The following PLXNA4 variants were observed in gnomAD, a reference collection of about 807,000 sequenced individuals.
PLXNA4 encodes the protein plexin A4, also known as plexin-A4.
A neutral mutation model predicts 191.8 loss-of-function variants in PLXNA4; 44 were observed. The ratio of observed to expected loss-of-function variants is 0.23; its 90% CI spans 0.18 to 0.29. The LOEUF (loss-of-function observed/expected upper bound fraction) is 0.29. Ranked by LOEUF, PLXNA4 falls within the 10% of genes least tolerant of loss-of-function variation. PLXNA4 has a pLI of 1.00. For missense variants in PLXNA4, 1,800 were observed against 2,488.8 expected (o/e 0.72, Z 5.89); for synonymous variants, 1,082 against 1,009.5 (o/e 1.07, Z -1.36).
At chr7:132,429,928 G>A (rs1795196467) in intron 3 of PLXNA4, among the ~76,000 whole-genome samples, 1 of 152,174 alleles carries the variant, frequency 6.6e-6, no homozygotes, top group African/African-American at 2.4e-5. Flanking sequence ...TGAGAACCCA[G>A]TCCCCAGGAG....
intron 3 of PLXNA4, among the ~76,000 whole-genome samples, chr7:132,433,732 G>A (rs961512167): frequency 9.2e-5 from 14 of 152,062 alleles, no homozygotes; most frequent in Non-Finnish European, 1.9e-4. Context: ...TGTGATATCC[G>A]CGACCTCCTG....
At chr7:132,466,067 C>A (rs1796688334) in intron 3 of PLXNA4, among the ~76,000 whole-genome samples, 1 of 152,156 alleles carries the variant, frequency 6.6e-6, no homozygotes, top group African/African-American at 2.4e-5. Context: ...AGCCCCTCAG[C>A]TCAGCTTCTC....
intron 30 of PLXNA4, among the ~76,000 whole-genome samples, chr7:132,136,525 C>T (rs1278777800): frequency 6.6e-6 from 1 of 152,160 alleles, no homozygotes; most frequent in Non-Finnish European, 1.5e-5. Context: ...GAGGCCAGCA[C>T]CCCTGAGGTC....
At chr7:132,507,387 G>T in intron 2 of PLXNA4, 119 bp downstream of exon 2, 1 of 1,109,334 alleles carries the variant, frequency 9.0e-7, no homozygotes, top group Non-Finnish European at 1.3e-6. Flanking sequence ...AGATGGGATG[G>T]GATATACTCA....
rs1466277948 is a variant in PLXNA4, at chr7:132,148,557, G to C, written c.4750C>G (p.Leu1584Val). The C allele has an allele frequency of 2.5e-6, 4 of 1,614,128 alleles. No homozygotes were observed. The highest frequency in any genetic ancestry group is 3.4e-6 in the Non-Finnish European group (4 of 1,180,006). ...ATTCCCCTCACCTGGTAGTGGGCCA[G>C]TGTGTTCAGTCGCTTCCAATCATTC... Reference protein sequence around the residue: ...IENDWKRLNTLAHYQVPDGSV... With the variant: ...IENDWKRLNTVAHYQVPDGSV... Residue 1584 changes from leucine (L) to valine (V), a missense_variant, in exon 26 of 32, where the codon CTG becomes GTG. By Grantham distance (32) the Leu-to-Val change is conservative (BLOSUM62 1). Around this residue, in one of 6 missense-constraint regions of PLXNA4, gnomAD observed 214 missense variants for 298.2 expected, o/e 0.72. Coordinates refer to ENST00000321063, the MANE Select transcript of PLXNA4 (RefSeq NM_020911.2).
chr7:132,646,354 G>GT (rs1213510140), intron 1 of PLXNA4, among the ~76,000 whole-genome samples: 4 of 152,098 alleles, frequency 2.6e-5, no homozygotes, highest in Admixed American at 2.6e-4. Flanking sequence ...AGTCTCTTTT[G>GT]TATTCCCTCC....
In PLXNA4 at chr7:132,127,326, C is replaced by A. The variant is rs761900764; in HGVS notation, c.*3153G>T. ...GTGACCCTACAAATTAACTTTGCCT[C>A]GAGGGAGGCCGTGAAGGGGCCTCCA... On this transcript the variant is annotated 3_prime_UTR_variant, in exon 32 of 32. Transcript: ENST00000321063. 1 of 152,058 alleles carries A rather than the reference C, an allele frequency of 6.6e-6. No individual in the cohort carries two copies. Among genetic ancestry groups the A allele is most frequent in the South Asian group, 2.1e-4 (1 of 4,810 alleles). 9.4% of individuals were successfully genotyped at this position (152,058 alleles called of 1,614,324 possible). A position where few individuals can be genotyped will look rare whatever the true frequency, so the allele number is the denominator to read the frequency against.
intron 2 of PLXNA4, among the ~76,000 whole-genome samples, chr7:132,627,975 C>T (rs1293426997): frequency 3.3e-5 from 5 of 152,178 alleles, no homozygotes; most frequent in East Asian, 1.9e-4. Context: ...TAAACATTCC[C>T]GGTCTTCAAT....
intron 2 of PLXNA4, among the ~76,000 whole-genome samples, chr7:132,621,141 T>C (rs1245540309): frequency 1.3e-5 from 2 of 152,088 alleles, no homozygotes; most frequent in Non-Finnish European, 2.9e-5. Context: ...ATTCAGTCCA[T>C]AGCACCATTC....
chr7:132,161,666 T>C (rs1367408314), intron 24 of PLXNA4, among the ~76,000 whole-genome samples: 37 of 151,668 alleles, frequency 2.4e-4, no homozygotes, highest in African/African-American at 8.3e-4. Context: ...CATCTAGAAC[T>C]CTAGCAGGCT....
At chr7:132,318,383 T>C (rs1802027554) in intron 3 of PLXNA4, among the ~76,000 whole-genome samples, 1 of 152,166 alleles carries the variant, frequency 6.6e-6, no homozygotes, top group East Asian at 1.9e-4. Context: ...GGAGGTGATA[T>C]CAGTATGTGC....
chr7:132,339,384 G>A (rs1305351985), intron 3 of PLXNA4, among the ~76,000 whole-genome samples: 2 of 152,126 alleles, frequency 1.3e-5, no homozygotes, highest in African/African-American at 4.8e-5. Flanking sequence ...TTTATCTCTG[G>A]AAATAAATCT....
chr7:132,473,121 T>C (rs1796992296), intron 3 of PLXNA4, among the ~76,000 whole-genome samples: 1 of 152,202 alleles, frequency 6.6e-6, no homozygotes, highest in Non-Finnish European at 1.5e-5. Flanking sequence ...ACCAAATCCC[T>C]GCAAAGGGGG....
At chr7:132,188,551 C>T (rs148680600) in intron 14 of PLXNA4, among the ~76,000 whole-genome samples, 35 of 152,248 alleles carry the variant, frequency 2.3e-4, no homozygotes, top group African/African-American at 7.2e-4. Flanking sequence ...CTGGCACATG[C>T]GCCTCCAGGT....
At chr7:132,599,553 A>G (rs1199773917) in intron 2 of PLXNA4, among the ~76,000 whole-genome samples, 1 of 152,140 alleles carries the variant, frequency 6.6e-6, no homozygotes, top group Non-Finnish European at 1.5e-5. Context: ...ATTTTGTTTT[A>G]GGTAGATCTG....
chr7:132,484,230 C>G (rs1302475206), intron 3 of PLXNA4, among the ~76,000 whole-genome samples: 1 of 152,142 alleles, frequency 6.6e-6, no homozygotes, highest in Non-Finnish European at 1.5e-5. Flanking sequence ...GGAGGAAGGC[C>G]CATGAGAAGT....
intron 3 of PLXNA4, among the ~76,000 whole-genome samples, chr7:132,409,230 T>TCTGTG: frequency 6.6e-6 from 1 of 152,110 alleles, no homozygotes; most frequent in East Asian, 1.9e-4. Context: ...GGGGCTCAGC[T>TCTGTG]CTGTGCCTCC....
chr7:132,424,728 C>T (rs984226697), intron 3 of PLXNA4, among the ~76,000 whole-genome samples: 3 of 152,218 alleles, frequency 2.0e-5, no homozygotes, highest in South Asian at 2.1e-4. Context: ...ATCCCAGTTA[C>T]CCAGATCTGA....
intron 1 of PLXNA4, among the ~76,000 whole-genome samples, chr7:132,553,663 T>C (rs1025576654): frequency 1.3e-5 from 2 of 152,338 alleles, no homozygotes; most frequent in Non-Finnish European, 2.9e-5. Flanking sequence ...TCAAGCATCA[T>C]GCTTTCTCTT....
Sources: gnomAD v4.1 joint callset for allele counts (sites outside exome capture counted in the v4.1 genomes callset) on GRCh38, gnomAD v4.1.1 for gene constraint, gnomAD v4.1.1 regional missense constraint, MANE v1.5 for transcripts, NCBI Gene and HGNC (gene_info 2026-07-23, HGNC 2026-07-21) for gene names.